NUCB2: variants seen among roughly 807,000 people sequenced by gnomAD.
NUCB2 encodes the protein nucleobindin 2.
In NUCB2, 48 loss-of-function variants were observed where a neutral mutation model predicts 57.9. The ratio of observed to expected loss-of-function variants is 0.83; its 90% confidence interval spans 0.66 to 1.05. The LOEUF is 1.05. Among genes scored for constraint, NUCB2 ranks in the 50% least tolerant of loss-of-function variants. The pLI is 0.00. For synonymous variants in NUCB2, 139 were observed against 152.1 expected, an observed-to-expected ratio of 0.91 and a Z score of 0.64; for missense variants, 442 against 476.2, an observed-to-expected ratio of 0.93 and a Z score of 0.67.
chr11:17,334,758 C>T (rs904506457), downstream of NUCB2, among the ~76,000 whole-genome samples: 1 of 151,932 alleles, frequency 6.6e-6, no homozygotes, highest in African/African-American at 2.4e-5. Flanking sequence ...TGATGGTGCA[C>T]ACCTATAGTC....
intron 11 of NUCB2, among the ~76,000 whole-genome samples, chr11:17,316,184 C>A (rs1949220183): frequency 6.6e-6 from 1 of 152,052 alleles, no homozygotes; most frequent in South Asian, 2.1e-4. Context: ...CTTGGCCAGG[C>A]TGGTCTTGAA....
chr11:17,311,076 A>G, intron 7 of NUCB2, 66 bp downstream of exon 7: 2 of 1,436,948 alleles, frequency 1.4e-6, no homozygotes, highest in Non-Finnish European at 1.9e-6. Flanking sequence ...GCGGATTTTT[A>G]TTGTGTTATT....
At chr11:17,315,312 C>A in intron 10 of NUCB2, 74 bp from the exon 11 acceptor site, 1 of 737,938 alleles carries the variant, frequency 1.4e-6, no homozygotes. Context: ...GCATCTATTA[C>A]AAGACAGTTG....
chr11:17,321,677 C>A (rs1950037501), intron 11 of NUCB2, among the ~76,000 whole-genome samples: 1 of 152,174 alleles, frequency 6.6e-6, no homozygotes, highest in Admixed American at 6.5e-5. Flanking sequence ...AACTTCCACA[C>A]TGTTCTCCAT....
At chr11:17,301,575 G>A (rs978649012) in intron 4 of NUCB2, among the ~76,000 whole-genome samples, 169 bp from the exon 5 acceptor site, 9 of 152,090 alleles carry the variant, frequency 5.9e-5, no homozygotes, top group East Asian at 1.9e-4. Context: ...CACCACGCCC[G>A]GCCCTAAAGC....
At chr11:17,313,517 A>G (rs1275713484) in intron 10 of NUCB2, among the ~76,000 whole-genome samples, 4 of 152,110 alleles carry the variant, frequency 2.6e-5, no homozygotes, top group Non-Finnish European at 5.9e-5. Context: ...GTGACACAGC[A>G]AGACTCCATC....
chr11:17,295,330 TGGA>T lies in NUCB2; in HGVS notation c.11_13del (p.Arg4del). The T allele has an allele frequency of 3.1e-6, 5 of 1,610,156 alleles. No individual in the cohort carries two copies. Among genetic ancestry groups the T allele is most frequent in the Non-Finnish European group, 4.2e-6 (5 of 1,178,038 alleles). The stretch of plus-strand genomic sequence containing the variant: ...AATTACTCCTTTATTTCAGATGAGG[TGGA>T]GGACCATCCTGCTACAGTATTGCTT... On this transcript the variant is annotated inframe_deletion, in exon 3 of 14. Coordinates refer to ENST00000529010, the MANE Select transcript of NUCB2 (RefSeq NM_005013.4).
chr11:17,333,639 T>G (rs1283691553), downstream of NUCB2: 1 of 152,240 alleles, frequency 6.6e-6, no homozygotes, highest in African/African-American at 2.4e-5. Flanking sequence ...TAGGCTTGCA[T>G]GGAATGGCAA....
At chr11:17,345,468 G>A (rs1158916278) in intron 2 of NUCB2, among the ~76,000 whole-genome samples, 2 of 152,248 alleles carry the variant, frequency 1.3e-5, no homozygotes, top group Non-Finnish European at 1.5e-5. Flanking sequence ...CAGTACTTTG[G>A]GAGGCCAAGG....
intron 11 of NUCB2, among the ~76,000 whole-genome samples, chr11:17,319,806 G>A (rs1043540382): frequency 1.6e-4 from 25 of 151,918 alleles, no homozygotes; most frequent in Admixed American, 3.3e-4. Flanking sequence ...GTGTCATGGG[G>A]TTTTGTTTTA....
At chr11:17,284,358 C>T (rs931658387) in intron 2 of NUCB2, among the ~76,000 whole-genome samples, 1 of 152,032 alleles carries the variant, frequency 6.6e-6, no homozygotes, top group African/African-American at 2.4e-5. Context: ...TAAATATACC[C>T]TATACTTGTC....
At chr11:17,319,658 ATATT>A (rs1266488871) in intron 11 of NUCB2, among the ~76,000 whole-genome samples, 5 of 152,232 alleles carry the variant, frequency 3.3e-5, no homozygotes, top group African/African-American at 9.6e-5. Flanking sequence ...CTATCAATAT[ATATT>A]AAAACTCATG....
At chr11:17,331,085 GTTA>G in intron 13 of NUCB2, 102 bp downstream of exon 13, 3 of 862,312 alleles carry the variant, frequency 3.5e-6, no homozygotes, top group Non-Finnish European at 3.5e-6. Flanking sequence ...AAGATGTTAT[GTTA>G]TTTTTTGTGT....
intron 2 of NUCB2, among the ~76,000 whole-genome samples, chr11:17,285,454 G>A (rs186405496): frequency 1.7e-4 from 26 of 152,156 alleles, no homozygotes; most frequent in Admixed American, 8.5e-4. Flanking sequence ...GCATGCGCCT[G>A]TAGTCCCAGC....
chr11:17,331,361 G>T, intron 13 of NUCB2, 51 bp from the exon 14 acceptor site: 1 of 1,112,094 alleles, frequency 9.0e-7, no homozygotes, highest in Non-Finnish European at 1.2e-6. Context: ...GGAACATTTA[G>T]AATAAAGGAA....
chr11:17,301,120 G>T (rs149033756), intron 4 of NUCB2, among the ~76,000 whole-genome samples: 1 of 150,416 alleles, frequency 6.6e-6, no homozygotes, highest in African/African-American at 2.4e-5. Context: ...TTACAGGCAT[G>T]GGCCACCACA....
chr11:17,290,466 T>G (rs1377271620), intron 2 of NUCB2, among the ~76,000 whole-genome samples: 1 of 152,092 alleles, frequency 6.6e-6, no homozygotes. Context: ...CCCAGCACTT[T>G]GGGAGGCTGA....
chr11:17,279,242 A>C (rs993128101), intron 1 of NUCB2, among the ~76,000 whole-genome samples: 2 of 152,214 alleles, frequency 1.3e-5, no homozygotes, highest in Non-Finnish European at 1.5e-5. Flanking sequence ...AATTTATTCA[A>C]GGAAAAACTT....
chr11:17,344,671 G>A (rs1321380587), intron 2 of NUCB2, among the ~76,000 whole-genome samples: 1 of 152,084 alleles, frequency 6.6e-6, no homozygotes. Context: ...TTTCTCTAAG[G>A]AAGCCTTTTG....
Sources: allele counts gnomAD v4.1 joint callset (sites outside exome capture counted in the v4.1 genomes callset), GRCh38; gene constraint gnomAD v4.1.1; transcripts MANE v1.5; gene names NCBI Gene and HGNC (gene_info 2026-07-23, HGNC 2026-07-21).